GCNT1: variants seen among roughly 807,000 people sequenced by gnomAD.
GCNT1 encodes the protein beta-1,3-galactosyl-O-glycosyl-glycoprotein beta-1,6-N-acetylglucosaminyltransferase.
Under a neutral mutation model 26.2 loss-of-function variants are expected in GCNT1, and 16 were observed. The observed-to-expected ratio is 0.61, with a 90% CI of 0.41 to 0.93. GCNT1 has a LOEUF of 0.93. Ranked by LOEUF, GCNT1 falls within the 40% of genes least tolerant of loss-of-function variation. The probability of loss-of-function intolerance (pLI) is 0.00; values close to 1 mark genes in which losing one functional copy is unlikely to be tolerated. For synonymous variants in GCNT1, 183 were observed against 190.8 expected, an observed-to-expected ratio of 0.96 and a Z score of 0.34; for missense variants, 477 against 526.7, an observed-to-expected ratio of 0.91 and a Z score of 0.92.
chr9:76,404,255 A>C, the GCNT1 span, among the ~76,000 whole-genome samples: 20 of 152,174 alleles, frequency 1.3e-4, no homozygotes, highest in Admixed American at 1.3e-3. Context: ...CAATGATGAT[A>C]TAAAATTTTA....
chr9:76,413,653 G>GTTTTTTTTTTTTTTTTTTTTTTTTTTTT, the GCNT1 span, among the ~76,000 whole-genome samples: 3 of 118,680 alleles, frequency 2.5e-5, no homozygotes, highest in Admixed American at 8.9e-5. Flanking sequence ...GTTTTGTTTT[G>GTTTTTTTTTTTTTTTTTTTTTTTTTTTT]TTTTTTTTTT....
At chr9:76,425,907 T>G (rs960179900) in intron 1 of GCNT1, among the ~76,000 whole-genome samples, 1 of 152,098 alleles carries the variant, frequency 6.6e-6, no homozygotes, top group South Asian at 2.1e-4. Context: ...ATCTGGGTGG[T>G]GCCAGCTGAT....
chr9:76,458,175 ATTTTTTTT>A (rs779648273), upstream of GCNT1, among the ~76,000 whole-genome samples: 8 of 76,216 alleles, frequency 1.0e-4, no homozygotes, highest in African/African-American at 3.3e-4. Flanking sequence ...TCTGAGTTGG[ATTTTTTTT>A]TTTTTTTTTT....
chr9:76,449,928 C>T (rs7867919), intron 1 of GCNT1, among the ~76,000 whole-genome samples: 13,335 of 151,940 alleles, frequency 0.088, 690 homozygotes, highest in East Asian at 0.15. Flanking sequence ...GAATTACAGA[C>T]GCCCAGCTAA....
At chr9:76,399,667 C>A in the GCNT1 span, 288 of 756,314 alleles carry the variant, frequency 3.8e-4, no homozygotes, top group Non-Finnish European at 5.7e-4. Context: ...AAAAAAAAAA[C>A]CTATTTGTTT....
intron 1 of GCNT1, among the ~76,000 whole-genome samples, chr9:76,430,548 A>AT (rs547016710): frequency 0.029 from 4,192 of 146,472 alleles, 78 homozygotes; most frequent in Non-Finnish European, 0.038. Context: ...TGTTCGACTA[A>AT]TTTTTTTTTT....
intron 1 of GCNT1, among the ~76,000 whole-genome samples, chr9:76,430,370 A>G (rs1211680584): frequency 6.6e-6 from 1 of 151,926 alleles, no homozygotes; most frequent in Non-Finnish European, 1.5e-5. Flanking sequence ...ATCTTTTCAC[A>G]TAATTATTGA....
At chr9:76,456,349 C>T (rs966358113), upstream of GCNT1, among the ~76,000 whole-genome samples, 1 of 152,178 alleles carries the variant, frequency 6.6e-6, no homozygotes, top group African/African-American at 2.4e-5. Context: ...TATTTACCTT[C>T]AGAGATAAAA....
chr9:76,443,833 G>A (rs111700897), intron 1 of GCNT1, among the ~76,000 whole-genome samples: 5,685 of 151,734 alleles, frequency 0.037, 130 homozygotes, highest in Middle Eastern at 0.058. Flanking sequence ...GTGAGCCACT[G>A]CACTCCAGCC....
the GCNT1 span, among the ~76,000 whole-genome samples, chr9:76,414,362 A>G: frequency 6.6e-6 from 1 of 152,198 alleles, no homozygotes; most frequent in African/African-American, 2.4e-5. Flanking sequence ...CTATGGTCCT[A>G]TCGTTACCAG....
upstream of GCNT1, among the ~76,000 whole-genome samples, chr9:76,418,503 G>A (rs140939096): frequency 1.8e-3 from 281 of 152,244 alleles, 1 homozygote; most frequent in African/African-American, 5.7e-3. Context: ...CTATTCAGAC[G>A]GTTGGTTGGT....
chr9:76,398,861 T>C, the GCNT1 span: 1 of 1,488,066 alleles, frequency 6.7e-7, no homozygotes, highest in Non-Finnish European at 9.3e-7. Flanking sequence ...GAAGAGGACC[T>C]GGGAGAAGCT....
At chr9:76,436,686 T>G (rs538006630), upstream of GCNT1, among the ~76,000 whole-genome samples, 1 of 152,074 alleles carries the variant, frequency 6.6e-6, no homozygotes, top group Admixed American at 6.5e-5. Flanking sequence ...ATTGATTTAT[T>G]GAATGCCTAC....
chr9:76,434,300 GCTCT>G (rs1823377285), intron 1 of GCNT1, among the ~76,000 whole-genome samples: 1 of 152,172 alleles, frequency 6.6e-6, no homozygotes, highest in South Asian at 2.1e-4. Flanking sequence ...GCTAGAGAGA[GCTCT>G]CTGAGCCATA....
At chr9:76,440,745 G>A (rs879682542), upstream of GCNT1, among the ~76,000 whole-genome samples, 9 of 152,136 alleles carry the variant, frequency 5.9e-5, no homozygotes, top group Admixed American at 2.6e-4. Context: ...TTGGTTGCAC[G>A]TTAGAATCAG....
chr9:76,495,940 G>GT (rs1824896184), intron 2 of GCNT1, among the ~76,000 whole-genome samples: 1 of 152,164 alleles, frequency 6.6e-6, no homozygotes, highest in Non-Finnish European at 1.5e-5. Flanking sequence ...TCCTCTCCCT[G>GT]AACAGTCTGT....
upstream of GCNT1, among the ~76,000 whole-genome samples, chr9:76,454,255 A>G (rs1003332976): frequency 6.6e-6 from 1 of 151,954 alleles, no homozygotes; most frequent in Non-Finnish European, 1.5e-5. Flanking sequence ...GCATGCCTGT[A>G]ATCCCAGCTA....
intron 2 of GCNT1, among the ~76,000 whole-genome samples, chr9:76,484,924 G>T (rs1490369877): frequency 2.6e-5 from 4 of 151,624 alleles, no homozygotes; most frequent in Admixed American, 1.3e-4. Context: ...GAGTAGCTGG[G>T]ACTACAGACT....
chr9:76,458,045 G>C (rs1587422037), upstream of GCNT1, among the ~76,000 whole-genome samples: 1 of 152,064 alleles, frequency 6.6e-6, no homozygotes, highest in East Asian at 1.9e-4. Context: ...TTATTTCATA[G>C]ACTTAGTTAT....
Sources: allele counts gnomAD v4.1 joint callset (sites outside exome capture counted in the v4.1 genomes callset), GRCh38; gene constraint gnomAD v4.1.1; transcripts MANE v1.5; gene names NCBI Gene and HGNC (gene_info 2026-07-23, HGNC 2026-07-21).